FBXL13: variants seen among roughly 807,000 people sequenced by gnomAD.
FBXL13 encodes the protein F-box and leucine rich repeat protein 13.
A neutral mutation model predicts 83.6 loss-of-function variants in FBXL13; 67 were observed. The observed-to-expected ratio is 0.80, with a 90% CI of 0.66 to 0.98. The LOEUF is 0.98. Among genes scored for constraint, FBXL13 ranks in the 50% least tolerant of loss-of-function variants. FBXL13 has a pLI of 0.00. For synonymous variants in FBXL13, 272 were observed against 299.5 expected (o/e 0.91, Z 0.95); for missense variants, 822 against 866.5 (o/e 0.95, Z 0.64).
chr7:102,937,210 G>A (rs140220544), intron 8 of FBXL13, among the ~76,000 whole-genome samples: 112 of 152,044 alleles, frequency 7.4e-4, no homozygotes, highest in Admixed American at 1.2e-3. Flanking sequence ...ATTATAAGAC[G>A]AAGGGTAGGC....
At chr7:103,038,460 GA>G (rs1185972369) in intron 2 of FBXL13, among the ~76,000 whole-genome samples, 2 of 152,224 alleles carry the variant, frequency 1.3e-5, no homozygotes, top group East Asian at 1.9e-4. Flanking sequence ...AGAGAGCAGT[GA>G]TTCTCTCAGC....
At chr7:102,958,751 G>A (rs543146495) in intron 8 of FBXL13, among the ~76,000 whole-genome samples, 21 of 151,822 alleles carry the variant, frequency 1.4e-4, no homozygotes, top group African/African-American at 4.6e-4. Context: ...TATAACATGC[G>A]TGAAGACAAA....
intron 8 of FBXL13, among the ~76,000 whole-genome samples, chr7:102,953,498 T>C (rs572401391): frequency 6.6e-6 from 1 of 152,204 alleles, no homozygotes; most frequent in South Asian, 2.1e-4. Context: ...AGTAGGAATA[T>C]ATGGGAGCTT....
chr7:102,944,472 T>C, intron 8 of FBXL13: 3 of 1,613,984 alleles, frequency 1.9e-6, no homozygotes, highest in African/African-American at 1.3e-5. Context: ...GAAGTTACTA[T>C]GAAGAATGCC....
At chr7:102,874,366 G>C (rs949358611) in intron 16 of FBXL13, 100 of 985,218 alleles carry the variant, frequency 1.0e-4, no homozygotes, top group Non-Finnish European at 1.1e-4. Context: ...TCAATCATTT[G>C]CCTTTTAGTT....
At chr7:102,858,892 T>C (rs1483836094) in intron 16 of FBXL13, among the ~76,000 whole-genome samples, 2 of 152,082 alleles carry the variant, frequency 1.3e-5, no homozygotes, top group African/African-American at 4.8e-5. Flanking sequence ...CTTTTGGGAG[T>C]GAAGAAAATG....
At chr7:102,982,908 CAT>C (rs1213129620) in intron 6 of FBXL13, among the ~76,000 whole-genome samples, 1 of 152,208 alleles carries the variant, frequency 6.6e-6, no homozygotes, top group African/African-American at 2.4e-5. Flanking sequence ...TTAGAGAACT[CAT>C]GTGAATAAAC....
At chr7:102,850,990 G>A (rs1031016641) in intron 17 of FBXL13, among the ~76,000 whole-genome samples, 1 of 152,170 alleles carries the variant, frequency 6.6e-6, no homozygotes, top group African/African-American at 2.4e-5. Context: ...CTCTCACTAA[G>A]CTGTCAAACA....
At chr7:102,988,840 G>T (rs540116119) in intron 6 of FBXL13, 1 of 152,212 alleles carries the variant, frequency 6.6e-6, no homozygotes, top group Non-Finnish European at 1.5e-5. Context: ...AAATCATGTG[G>T]TTACATATTC....
At chr7:102,829,289 T>C (rs745599646) in intron 18 of FBXL13, among the ~76,000 whole-genome samples, 1 of 152,206 alleles carries the variant, frequency 6.6e-6, no homozygotes. Flanking sequence ...ATGAAGCTTT[T>C]TGCATATGAA....
intron 10 of FBXL13, among the ~76,000 whole-genome samples, chr7:102,920,543 G>C (rs555092461): frequency 3.1e-4 from 47 of 152,116 alleles, no homozygotes; most frequent in African/African-American, 1.1e-3. Context: ...TAGAGATGGA[G>C]TTTTACCATG....
chr7:102,945,071 A>G (rs886401604), intron 8 of FBXL13: 1 of 152,818 alleles, frequency 6.5e-6, no homozygotes, highest in African/African-American at 2.4e-5. Flanking sequence ...CATCTTATAC[A>G]TTAAATAAAT....
chr7:102,914,881 T>G (rs1815517135), intron 10 of FBXL13, among the ~76,000 whole-genome samples: 1 of 152,154 alleles, frequency 6.6e-6, no homozygotes, highest in African/African-American at 2.4e-5. Flanking sequence ...GTACACCCTG[T>G]GATTCAACTG....
At chr7:102,912,670 T>TTC (rs1442297407) in intron 11 of FBXL13, among the ~76,000 whole-genome samples, 4 of 102,308 alleles carry the variant, frequency 3.9e-5, no homozygotes, top group East Asian at 3.5e-4. Flanking sequence ...TATAGCATTT[T>TTC]ACCCCCCCCC....
At chr7:102,864,919 T>C (rs1196663758) in intron 16 of FBXL13, among the ~76,000 whole-genome samples, 1 of 152,230 alleles carries the variant, frequency 6.6e-6, no homozygotes, top group Non-Finnish European at 1.5e-5. Flanking sequence ...GCCTGCGGTC[T>C]CAAAGTGCCA....
At chr7:103,057,773 G>T (rs1199113199) in intron 1 of FBXL13, among the ~76,000 whole-genome samples, 1 of 152,138 alleles carries the variant, frequency 6.6e-6, no homozygotes, top group African/African-American at 2.4e-5. Context: ...AATTACTGAT[G>T]TTTTCTCCAT....
At chr7:102,932,903 T>A (rs1034098087) in intron 8 of FBXL13, among the ~76,000 whole-genome samples, 2 of 152,198 alleles carry the variant, frequency 1.3e-5, no homozygotes, top group East Asian at 3.9e-4. Flanking sequence ...CCAGAATAGT[T>A]ATTTGAGAGT....
chr7:102,985,502 G>A (rs561814941), intron 6 of FBXL13, among the ~76,000 whole-genome samples: 5 of 152,334 alleles, frequency 3.3e-5, no homozygotes, highest in African/African-American at 9.6e-5. Context: ...AAGATCCCCA[G>A]AAAGGGGGAG....
rs539431056 is a variant in FBXL13, at chr7:103,074,228, T to C, written c.-105+18A>G. On this transcript the variant is annotated intron_variant, in intron 1 of 19. Transcript: ENST00000313221. ...TCTATTTTCTGCCCTCACGGCTCCA[T>C]GGAAACCTCAGGCTCACCTTGGGCA... is the stretch of plus-strand genomic sequence containing the variant. 1.3e-5 allele frequency: 13 copies of C among 994,722 alleles called. No homozygotes were observed. In the African/African-American group the frequency reaches 1.9e-4, roughly 15 times the overall value. The allele number at this position is 994,722 out of a possible 1,614,324, so 61.6% of individuals were successfully genotyped here.
Sources: allele counts gnomAD v4.1 joint callset (sites outside exome capture counted in the v4.1 genomes callset), GRCh38; gene constraint gnomAD v4.1.1; transcripts MANE v1.5; gene names NCBI Gene and HGNC (gene_info 2026-07-23, HGNC 2026-07-21).